The following NRCAM variants were observed in gnomAD, a reference collection of about 807,000 sequenced individuals.
The protein encoded by NRCAM is neuronal cell adhesion molecule, also known as NgCAM-related cell adhesion molecule.
NRCAM carries 83 observed loss-of-function variants against 156.5 expected under a neutral mutation model. That is an observed-to-expected ratio of 0.53 (90% CI 0.44 to 0.64). The LOEUF (loss-of-function observed/expected upper bound fraction) is 0.64. NRCAM is among the 30% of genes least tolerant of loss of function. The pLI is 0.00. For synonymous variants in NRCAM, 538 were observed against 563.9 expected, an observed-to-expected ratio of 0.95 and a Z score of 0.65; for missense variants, 1,417 against 1,597.3, an observed-to-expected ratio of 0.89 and a Z score of 1.92.
At position 108,261,662 on chromosome 7, in the gene NRCAM, TC is replaced by T. The variant is rs773788822; in HGVS notation, c.-106-21493del. 3.3e-5 allele frequency among the ~76,000 whole-genome samples: 5 copies of T among 152,306 alleles called. No homozygotes were observed. The South Asian group carries it at 1.0e-3, about 32-fold the overall frequency. On this transcript the variant is annotated intron_variant, in intron 3 of 32. Coordinates refer to ENST00000379028, the MANE Select transcript of NRCAM (RefSeq NM_001037132.4). ...CCACTTCAAAGTCCTCTTGGGTTGT[TC>T]CTCTTATTTCAGCCACAGCTGTAGA...
chr7:108,405,020 A>G (rs1437718382), intron 1 of NRCAM, among the ~76,000 whole-genome samples: 1 of 152,234 alleles, frequency 6.6e-6, no homozygotes, highest in African/African-American at 2.4e-5. Flanking sequence ...CTCCGCTATG[A>G]CTATGGATGT....
chr7:108,320,621 A>G (rs1217831336), intron 2 of NRCAM, among the ~76,000 whole-genome samples: 2 of 152,236 alleles, frequency 1.3e-5, no homozygotes, highest in African/African-American at 4.8e-5. Context: ...AAATTATATT[A>G]AACTTCATAA....
At chr7:108,416,115 C>T (rs541631236) in intron 1 of NRCAM, among the ~76,000 whole-genome samples, 4 of 152,316 alleles carry the variant, frequency 2.6e-5, no homozygotes, top group South Asian at 4.1e-4. Flanking sequence ...CAGAACGGGC[C>T]AGCTGCTGAT....
At chr7:108,151,992 T>C (rs574227963) in intron 32 of NRCAM, among the ~76,000 whole-genome samples, 1 of 152,310 alleles carries the variant, frequency 6.6e-6, no homozygotes, top group African/African-American at 2.4e-5. Context: ...TAAATGTTTA[T>C]TGAGTGACTA....
chr7:108,211,177 T>C (rs2084091356), intron 11 of NRCAM, among the ~76,000 whole-genome samples: 1 of 151,650 alleles, frequency 6.6e-6, no homozygotes, highest in Non-Finnish European at 1.5e-5. Flanking sequence ...TGGAGCTGAG[T>C]CAATTTAGAG....
intron 3 of NRCAM, among the ~76,000 whole-genome samples, chr7:108,281,684 G>A (rs567343958): frequency 5.1e-4 from 77 of 152,340 alleles, no homozygotes; most frequent in African/African-American, 1.8e-3. Context: ...GTGGGGAATG[G>A]AGGGTCTCCA....
chr7:108,409,170 G>A (rs1563676752), intron 1 of NRCAM, among the ~76,000 whole-genome samples: 1 of 152,204 alleles, frequency 6.6e-6, no homozygotes, highest in Non-Finnish European at 1.5e-5. Flanking sequence ...AACGCGTGCA[G>A]AGCATTAAGA....
chr7:108,396,530 A>G (rs908502347), intron 2 of NRCAM, among the ~76,000 whole-genome samples: 2 of 152,238 alleles, frequency 1.3e-5, no homozygotes, highest in East Asian at 1.9e-4. Context: ...TTTCTGGATG[A>G]CTGTAATTAA....
At chr7:108,250,971 T>C (rs1188795967) in intron 3 of NRCAM, among the ~76,000 whole-genome samples, 3 of 152,192 alleles carry the variant, frequency 2.0e-5, no homozygotes, top group Admixed American at 2.0e-4. Flanking sequence ...GTTTGAAATG[T>C]CCTCAGGTAG....
intron 3 of NRCAM, among the ~76,000 whole-genome samples, chr7:108,293,450 T>C (rs545108693): frequency 6.6e-6 from 1 of 152,158 alleles, no homozygotes; most frequent in Non-Finnish European, 1.5e-5. Flanking sequence ...CAGAAGAGAA[T>C]TGCAAAAAAA....
chr7:108,353,486 A>AT (rs58298145), intron 2 of NRCAM, among the ~76,000 whole-genome samples: 137,362 of 152,074 alleles, frequency 0.9, 62,101 homozygotes, highest in East Asian at 1. Flanking sequence ...CACCCAGATA[A>AT]TTTTAAATTT....
chr7:108,171,007 TAAAGATACCCAGA>T (rs536514347), intron 28 of NRCAM, among the ~76,000 whole-genome samples: 3 of 152,334 alleles, frequency 2.0e-5, no homozygotes, highest in Admixed American at 6.5e-5. Context: ...AGCTTATTCT[TAAAGATACCCAGA>T]AAAGATACCA....
At chr7:108,392,364 T>C (rs2099763020) in intron 2 of NRCAM, among the ~76,000 whole-genome samples, 1 of 152,220 alleles carries the variant, frequency 6.6e-6, no homozygotes, top group African/African-American at 2.4e-5. Context: ...TTGATCAAAT[T>C]GGCTACTAAT....
At chr7:108,358,338 G>A (rs1010360307) in intron 2 of NRCAM, among the ~76,000 whole-genome samples, 15 of 151,892 alleles carry the variant, frequency 9.9e-5, no homozygotes, top group African/African-American at 3.4e-4. Context: ...CAGGGAGGTC[G>A]AGGCTGCAGT....
intron 1 of NRCAM, among the ~76,000 whole-genome samples, chr7:108,430,132 T>C (rs1020195634): frequency 6.6e-6 from 1 of 152,210 alleles, no homozygotes; most frequent in Non-Finnish European, 1.5e-5. Context: ...GCAGGGGTCA[T>C]GTCCAGTAGT....
At chr7:108,312,501 T>C (rs2098815910) in intron 3 of NRCAM, among the ~76,000 whole-genome samples, 164 bp downstream of exon 3, 1 of 152,196 alleles carries the variant, frequency 6.6e-6, no homozygotes, top group Non-Finnish European at 1.5e-5. Context: ...GACATTGGTA[T>C]GATTAATGTT....
At chr7:108,305,670 C>G (rs2098704904) in intron 3 of NRCAM, among the ~76,000 whole-genome samples, 1 of 152,124 alleles carries the variant, frequency 6.6e-6, no homozygotes, top group African/African-American at 2.4e-5. Context: ...GTATCAAAAG[C>G]TTTGCAGAAA....
intron 2 of NRCAM, among the ~76,000 whole-genome samples, chr7:108,364,407 G>A (rs1035727012): frequency 6.6e-6 from 1 of 152,272 alleles, no homozygotes; most frequent in South Asian, 2.1e-4. Flanking sequence ...TTGCTAATGG[G>A]ACTGTAAAAT....
Position 108,159,637 on chromosome 7 carries a change from A to G in NRCAM, c.3599-96T>C, listed in dbSNP as rs947757597. 8.5e-5 allele frequency: 73 copies of G among 859,030 alleles called. No individual in the cohort carries two copies. The Middle Eastern group carries it at 1.1e-3, about 13-fold the overall frequency. The allele number at this position is 859,030 out of a possible 1,614,324, so 53.2% of individuals were successfully genotyped here. ...TCTTTGAGATATACAGCAGTGAAAA[A>G]TAATTCCATACACAAGTAGATGTTG... On this transcript the variant is annotated intron_variant, in intron 31 of 32. Coordinates refer to ENST00000379028, the MANE Select transcript of NRCAM (RefSeq NM_001037132.4).
Sources: allele counts gnomAD v4.1 joint callset (sites outside exome capture counted in the v4.1 genomes callset), GRCh38; gene constraint gnomAD v4.1.1; transcripts MANE v1.5; gene names NCBI Gene and HGNC (gene_info 2026-07-23, HGNC 2026-07-21).